Variants in PIEZO1 observed in about 807,000 individuals in gnomAD.
PIEZO1 encodes the protein piezo type mechanosensitive ion channel component 1 (Er blood group), also known as piezo-type mechanosensitive ion channel component 1.
Under a neutral mutation model 297.2 loss-of-function variants are expected in PIEZO1, and 296 were observed. That is an observed-to-expected ratio of 1.00 (90% CI 0.91 to 1.10). The LOEUF is 1.10. PIEZO1 is among the 50% of genes least tolerant of loss of function. The pLI is 0.00. For missense variants in PIEZO1, 5,018 were observed against 3,455.5 expected, an observed-to-expected ratio of 1.45 and a Z score of -11.34; for synonymous variants, 2,427 against 1,507.5, an observed-to-expected ratio of 1.61 and a Z score of -14.13.
At chr16:88,726,181 G>A (rs1567665664) in intron 27 of PIEZO1, 103 bp downstream of exon 27, 2 of 964,880 alleles carry the variant, frequency 2.1e-6, no homozygotes, top group Non-Finnish European at 3.0e-6. Context: ...GAGTGGCAGA[G>A]CCTGCCCTCC....
Position 88,721,676 on chromosome 16 carries a change from G to A in PIEZO1, c.5265C>T (p.Asn1755=). 6.5e-7 allele frequency: 1 copy of A among 1,549,870 alleles called. No homozygotes were observed. The highest frequency in any genetic ancestry group is 8.7e-7 in the Non-Finnish European group (1 of 1,146,816). ...YLFQFGFFPW[N]SHVVLRRYEN... is the part of the protein sequence containing the mutation. ...CGTAGCGCCGCAGCACCACGTGGCT[G>A]TTCCAGGGGAAGAACCCAAACTGGA... The change falls in exon 38 of 51, where the codon AAC becomes AAT. Residue 1755 remains asparagine, a synonymous_variant. Transcript: ENST00000301015.
In PIEZO1 at chr16:88,726,482, AGGCCCAG is replaced by A. The variant is rs756845446; in HGVS notation, c.3797-34_3797-28del. 16 of 1,547,794 alleles carry A rather than the reference AGGCCCAG, an allele frequency of 1.0e-5. No homozygotes were observed. The South Asian group carries it at 1.8e-4, about 17-fold the overall frequency. Reference sequence around the variant, plus strand: ...TGCAAGGCAGGCACCGGCAAGGGTCAGGCCCAGGGCCCAGGAGCAGGGGGCTTCCCCA... The same window carrying A: ...TGCAAGGCAGGCACCGGCAAGGGTCAGGCCCAGGAGCAGGGGGCTTCCCCA... On this transcript the variant is annotated intron_variant, in intron 26 of 50. Transcript: ENST00000301015.
Position 88,716,478 on chromosome 16 carries a change from A to G in PIEZO1, c.6932T>C (p.Leu2311Pro). 1.3e-6 allele frequency: 2 copies of G among 1,546,926 alleles called. No individual in the cohort carries two copies. The highest frequency in any genetic ancestry group is 1.7e-6 in the Non-Finnish European group (2 of 1,144,914). ...ATACTCCACAGTGCCTCCCTTCGCC[A>G]GGTCCCTGGGGGTGGGAACACAGCG... ...LRFTWNFQRD[L>P]AKGGTVEYAN... The change falls in exon 48 of 51, where the codon CTG becomes CCG. Residue 2311 changes from leucine to proline, a missense_variant. Coordinates refer to ENST00000301015, the MANE Select transcript of PIEZO1 (RefSeq NM_001142864.4).
rs1905205095 is a variant in PIEZO1 at position 88,736,236 on chromosome 16, G to A, written c.1469C>T (p.Pro490Leu). 3.2e-6 allele frequency: 5 copies of A among 1,550,058 alleles called. No homozygotes were observed. Among genetic ancestry groups the A allele is most frequent in the Non-Finnish European group, 4.4e-6 (5 of 1,146,800 alleles). ...GGGGCCCAGGGTGGTGGGCAGCTCA[G>A]GGCGCAGGTCCATGGCCCACACGTA... ...LRYVWAMDLR[P>L]ELPTTLGPVS... The change falls in exon 12 of 51, where the codon CCT becomes CTT. Residue 490 changes from proline to leucine, a missense_variant. Pro to Leu is a moderately conservative substitution (Grantham distance 98). Transcript: ENST00000301015.
rs777727042 is a variant in PIEZO1 at position 88,742,435 on chromosome 16, G to A, written c.161-13C>T. ...CGGCCTGTGTGACCTGCGGCAGAGC[G>A]AGTGGGTGAGGCTGGTCCCGGGGAC... On this transcript the variant is annotated splice_polypyrimidine_tract_variant and intron_variant, in intron 2 of 50. Transcript: ENST00000301015. 41 of 1,533,828 alleles carry A rather than the reference G, an allele frequency of 2.7e-5. No individual in the cohort carries two copies. The highest frequency in any genetic ancestry group is 2.2e-4 in the East Asian group (9 of 40,926).
In PIEZO1 at chr16:88,726,797, C is replaced by T. The variant is rs756246438; in HGVS notation, c.3617G>A (p.Arg1206Lys). The T allele has an allele frequency of 8.4e-6, 13 of 1,550,304 alleles. No individual in the cohort carries two copies. In the South Asian group the frequency reaches 1.4e-4, roughly 17 times the overall value. The change falls in exon 25 of 51, where the codon AGG (arginine) becomes AAG (lysine). Residue 1206 changes from arginine to lysine, a missense_variant. By Grantham distance (26) the Arg-to-Lys change is conservative (BLOSUM62 2). Coordinates refer to ENST00000301015, the MANE Select transcript of PIEZO1 (RefSeq NM_001142864.4). ...LLLFGTALLQRDTRARLVLWD... is the reference protein window; with the variant it reads ...LLLFGTALLQKDTRARLVLWD... Reference sequence around the variant, plus strand: ...CAGCACGAGGCGGGCCCGTGTGTCCCTCTGCAGCAGGGCCGTGCCGAAGAG... The same window carrying T: ...CAGCACGAGGCGGGCCCGTGTGTCCTTCTGCAGCAGGGCCGTGCCGAAGAG...
intron 2 of PIEZO1, 142 bp from the exon 3 acceptor site, chr16:88,742,564 C>T (rs896886105): frequency 5.9e-6 from 5 of 845,032 alleles, no homozygotes; most frequent in African/African-American, 5.1e-5. Context: ...AGGACCCCAT[C>T]AGGCAGGCCG....
At chr16:88,768,404 G>A (rs1389491579) in intron 1 of PIEZO1, among the ~76,000 whole-genome samples, 1 of 152,236 alleles carries the variant, frequency 6.6e-6, no homozygotes, top group Non-Finnish European at 1.5e-5. Context: ...GGGGTGGGGA[G>A]GGGACTGGAC....
rs1286900788 is a variant in PIEZO1, at chr16:88,715,750, A to C, written c.7421T>G (p.Val2474Gly). 6.4e-7 allele frequency: 1 copy of C among 1,550,452 alleles called. No homozygotes were observed. The highest frequency in any genetic ancestry group is 8.7e-7 in the Non-Finnish European group (1 of 1,146,970). Residue 2474 changes from valine to glycine, a missense_variant, in exon 51 of 51, where the codon GTG becomes GGG. Physicochemically the swap from Val to Gly is moderately radical, Grantham distance 109 (BLOSUM62 -3). Transcript: ENST00000301015. ...CTGGCAGAGCTTGAGGATGCGGTCC[A>C]CGCACGGCAGCTCCTCGAACATAAT... ...HSIMFEELPC[V>G]DRILKLCQDI...
chr16:88,735,301 A>G lies in PIEZO1; in HGVS notation c.1558-55T>C. ...CCGGGGGGCCCAGCACCCCTCCCAC[A>G]GCCGGGGGACCCAGCACCCTCCTAT... On this transcript the variant is annotated intron_variant, in intron 12 of 50. Coordinates refer to ENST00000301015, the MANE Select transcript of PIEZO1 (RefSeq NM_001142864.4). 4.7e-6 allele frequency: 6 copies of G among 1,286,994 alleles called. No individual in the cohort carries two copies. The South Asian group carries it at 5.1e-5, about 11-fold the overall frequency. 79.7% of individuals were successfully genotyped at this position (1,286,994 alleles called of 1,614,324 possible).
chr16:88,746,330 G>C (rs933152060), intron 2 of PIEZO1, among the ~76,000 whole-genome samples: 5 of 152,166 alleles, frequency 3.3e-5, no homozygotes, highest in Non-Finnish European at 5.9e-5. Flanking sequence ...GTCAGTCTTG[G>C]AGGTGGGTTT....
At chr16:88,770,921 C>CG (rs1192293365) in intron 1 of PIEZO1, among the ~76,000 whole-genome samples, 1 of 152,220 alleles carries the variant, frequency 6.6e-6, no homozygotes, top group African/African-American at 2.4e-5. Context: ...ATCCGGTGGG[C>CG]GGCACTGGAG....
chr16:88,753,865 G>A (rs1906521831), intron 1 of PIEZO1, among the ~76,000 whole-genome samples: 1 of 152,202 alleles, frequency 6.6e-6, no homozygotes, highest in South Asian at 2.1e-4. Flanking sequence ...GGGCAGGTCG[G>A]AAGCTTCGCA....
At chr16:88,778,653 G>C (rs1391667527) in intron 1 of PIEZO1, among the ~76,000 whole-genome samples, 1 of 152,198 alleles carries the variant, frequency 6.6e-6, no homozygotes, top group African/African-American at 2.4e-5. Context: ...GTCCCCATGG[G>C]CCCGGCACCA....
At chr16:88,738,883 G>A in intron 5 of PIEZO1, 147 bp from the exon 6 acceptor site, 3 of 685,230 alleles carry the variant, frequency 4.4e-6, no homozygotes, top group Non-Finnish European at 4.9e-6. Context: ...CCGGGCACAG[G>A]CCCCAGCCGT....
Position 88,727,178 on chromosome 16 carries a change from G to A in PIEZO1, c.3316C>T (p.Leu1106=). The A allele has an allele frequency of 6.5e-7, 1 of 1,542,480 alleles. No individual in the cohort carries two copies. The highest frequency in any genetic ancestry group is 8.8e-7 in the Non-Finnish European group (1 of 1,142,190). ...TGCCACTGCTGGGAGGCGCACAGCA[G>A]CAGGAGAAAGTCGCCTGCAGGACAC... The part of the protein sequence containing the change: ...STNLISDFLL[L]LCASQQWQVF... The change falls in exon 24 of 51, where the codon CTG becomes TTG. Residue 1106 remains leucine, a synonymous_variant. Coordinates refer to ENST00000301015, the MANE Select transcript of PIEZO1 (RefSeq NM_001142864.4).
intron 1 of PIEZO1, among the ~76,000 whole-genome samples, chr16:88,755,403 G>A (rs953825800): frequency 2.6e-5 from 4 of 152,168 alleles, no homozygotes; most frequent in African/African-American, 4.8e-5. Flanking sequence ...TCTAGTCCTC[G>A]TACGTTTCTT....
intron 1 of PIEZO1, among the ~76,000 whole-genome samples, chr16:88,764,674 C>G (rs558960145): frequency 6.6e-6 from 1 of 151,168 alleles, no homozygotes; most frequent in Non-Finnish European, 1.5e-5. Context: ...TCGCTTGAAC[C>G]TGGGAGCCTG....
intron 2 of PIEZO1, 54 bp downstream of exon 2, chr16:88,749,330 C>T (rs1386600110): frequency 1.9e-5 from 23 of 1,238,406 alleles, no homozygotes; most frequent in South Asian, 8.0e-5. Flanking sequence ...TGGCCCCAAA[C>T]GAATGCCCAC....
Sources: allele counts gnomAD v4.1 joint callset (sites outside exome capture counted in the v4.1 genomes callset), GRCh38; gene constraint gnomAD v4.1.1; transcripts MANE v1.5; gene names NCBI Gene and HGNC (gene_info 2026-07-23, HGNC 2026-07-21).